Variants in SUSD5 observed in about 807,000 individuals in gnomAD.
SUSD5 encodes sushi domain-containing protein 5.
Under a neutral mutation model 29.5 loss-of-function variants are expected in SUSD5, and 33 were observed. That is an observed-to-expected ratio of 1.12 (90% CI 0.85 to 1.49). The LOEUF is 1.49. Among genes scored for constraint, SUSD5 ranks in the 40% most tolerant of loss-of-function variants. SUSD5 has a pLI of 0.00. For missense variants in SUSD5, 776 were observed against 800.6 expected, an observed-to-expected ratio of 0.97 and a Z score of 0.37; for synonymous variants, 308 against 325.3, an observed-to-expected ratio of 0.95 and a Z score of 0.57.
intron 3 of SUSD5, 40 bp from the exon 4 acceptor site, chr3:33,175,114 C>G: frequency 6.2e-7 from 1 of 1,603,052 alleles, no homozygotes; most frequent in Non-Finnish European, 8.5e-7. Flanking sequence ...CCAAACTGTG[C>G]GGAACTTTTT....
chr3:33,189,179 T>C (rs926656104), intron 3 of SUSD5, among the ~76,000 whole-genome samples: 4 of 152,178 alleles, frequency 2.6e-5, no homozygotes, highest in Admixed American at 6.5e-5. Context: ...TAAAAACTTA[T>C]TTAAAAAATA....
At chr3:33,180,570 T>C (rs1177027563) in intron 3 of SUSD5, among the ~76,000 whole-genome samples, 2 of 152,244 alleles carry the variant, frequency 1.3e-5, no homozygotes, top group South Asian at 2.1e-4. Flanking sequence ...CTCATGCCTG[T>C]AATCCCAACA....
intron 3 of SUSD5, among the ~76,000 whole-genome samples, chr3:33,182,799 T>C (rs1191588705): frequency 6.6e-6 from 1 of 152,178 alleles, no homozygotes; most frequent in African/African-American, 2.4e-5. Flanking sequence ...TTCCTTTTTG[T>C]TTTTTGAGAC....
intron 3 of SUSD5, among the ~76,000 whole-genome samples, chr3:33,185,875 CAT>C (rs2031766746): frequency 1.3e-5 from 2 of 152,120 alleles, no homozygotes; most frequent in Non-Finnish European, 2.9e-5. Flanking sequence ...CTCAAATGCA[CAT>C]TTTTGTACCT....
rs752631515 is a variant in SUSD5 at position 33,213,924 on chromosome 3, T to G, written c.290+4A>C. 6.3e-6 allele frequency: 10 copies of G among 1,587,946 alleles called. No homozygotes were observed. The South Asian group carries it at 8.0e-5, about 13-fold the overall frequency. ...GTTGGAAAAGGAGTGCTCGCCTAAC[T>G]TACCCAAGAGTACCATCTGCTAGCC... is the stretch of plus-strand genomic sequence containing the variant. On this transcript the variant is annotated splice_donor_region_variant and intron_variant, in intron 2 of 4. Coordinates refer to ENST00000309558, the MANE Select transcript of SUSD5 (RefSeq NM_015551.2).
chr3:33,156,196 A>G (rs2031047161), intron 4 of SUSD5, among the ~76,000 whole-genome samples: 2 of 152,034 alleles, frequency 1.3e-5, no homozygotes, highest in African/African-American at 4.8e-5. Context: ...GCACACCACC[A>G]CACCCAGCTA....
At position 33,153,432 on chromosome 3, in the gene SUSD5, C is replaced by T. The variant is rs778001534; in HGVS notation, c.1200G>A (p.Gly400=). 1.9e-6 allele frequency: 3 copies of T among 1,613,876 alleles called. No homozygotes were observed. Among genetic ancestry groups the T allele is most frequent in the Non-Finnish European group, 2.5e-6 (3 of 1,179,906 alleles). Residue 400 remains glycine, a synonymous_variant, in exon 5 of 5, where the codon GGG becomes GGA. Transcript: ENST00000309558. ...GAGTAACTAGGACGTTTTCATCCAG[C>T]CCTACTGACCCATCCCCTCTGTCCC... ...EDGDRGDGSV[G]LDENVLVTPD...
At chr3:33,190,688 G>A (rs1406461969) in intron 3 of SUSD5, among the ~76,000 whole-genome samples, 1 of 152,142 alleles carries the variant, frequency 6.6e-6, no homozygotes, top group Non-Finnish European at 1.5e-5. Flanking sequence ...TTCAAACTGA[G>A]GGCACTTGGG....
Position 33,204,412 on chromosome 3 carries a change from C to T in SUSD5, c.409+3396G>A, listed in dbSNP as rs1010151134. On this transcript the variant is annotated intron_variant, in intron 3 of 4. Transcript: ENST00000309558. This position sits in a 1 kb window ranked among gnomAD's most constrained non-coding sequence, Gnocchi z 4.5. ...CTCGGCTCACTGCAAGCTCCGCCTC[C>T]CAAGTTAACACCATTCTCCTGCCTC... Among the ~76,000 whole-genome samples, 2 of 151,872 alleles carry T rather than the reference C, an allele frequency of 1.3e-5. No individual in the cohort carries two copies. Among genetic ancestry groups the T allele is most frequent in the Non-Finnish European group, 2.9e-5 (2 of 67,982 alleles).
chr3:33,213,797 C>CAAA lies in SUSD5; in HGVS notation c.290+128_290+130dup, dbSNP rs937449148. The CAAA allele has an allele frequency of 1.4e-5, 15 of 1,040,886 alleles. No homozygotes were observed. In the African/African-American group the frequency reaches 2.5e-4, roughly 17 times the overall value. 64.5% of individuals were successfully genotyped at this position (1,040,886 alleles called of 1,614,324 possible). On this transcript the variant is annotated intron_variant, in intron 2 of 4. Transcript: ENST00000309558. ...TCAAACAAAACAAAACAAAACAAAA[C>CAAA]AAAACATGAACACGCTACTGCCCAC...
intron 4 of SUSD5, among the ~76,000 whole-genome samples, chr3:33,156,133 C>T (rs183190028): frequency 3.3e-5 from 5 of 151,884 alleles, no homozygotes; most frequent in African/African-American, 7.2e-5. Flanking sequence ...CTCCGCCTCC[C>T]GGGTTCAAGC....
chr3:33,186,189 C>T (rs1272037663), intron 3 of SUSD5, among the ~76,000 whole-genome samples: 1 of 151,776 alleles, frequency 6.6e-6, no homozygotes, highest in Non-Finnish European at 1.5e-5. Flanking sequence ...GTAGTCCCAG[C>T]TACTCGGGAG....
intron 4 of SUSD5, among the ~76,000 whole-genome samples, chr3:33,165,268 T>C (rs1159191783): frequency 2.0e-5 from 3 of 151,990 alleles, no homozygotes; most frequent in Admixed American, 1.3e-4. Context: ...TACACAAGAG[T>C]ACATAATGTA....
intron 3 of SUSD5, among the ~76,000 whole-genome samples, chr3:33,192,823 T>C (rs2031919943): frequency 6.6e-6 from 1 of 151,504 alleles, no homozygotes; most frequent in Non-Finnish European, 1.5e-5. Flanking sequence ...TCAAAAAATA[T>C]ATATATATAA....
intron 3 of SUSD5, among the ~76,000 whole-genome samples, chr3:33,177,956 A>G (rs898954296): frequency 2.0e-5 from 3 of 151,336 alleles, no homozygotes; most frequent in Non-Finnish European, 3.0e-5. Flanking sequence ...TTCGCAATCT[A>G]TATTTTCTTT....
intron 4 of SUSD5, among the ~76,000 whole-genome samples, chr3:33,166,277 A>G (rs993724255): frequency 1.3e-5 from 2 of 152,210 alleles, no homozygotes; most frequent in African/African-American, 4.8e-5. Context: ...AAAATTAGTG[A>G]CCTATTAACT....
chr3:33,160,488 G>A (rs538302586), intron 4 of SUSD5, among the ~76,000 whole-genome samples: 104 of 152,202 alleles, frequency 6.8e-4, no homozygotes, highest in African/African-American at 2.4e-3. Flanking sequence ...CCAGGAGATT[G>A]AGGCTGCAGT....
chr3:33,201,251 C>G (rs1184860925), intron 3 of SUSD5, among the ~76,000 whole-genome samples: 1 of 152,188 alleles, frequency 6.6e-6, no homozygotes, highest in Non-Finnish European at 1.5e-5. Context: ...CTGAGTGCAC[C>G]CAGCCCTAGG....
intron 1 of SUSD5, among the ~76,000 whole-genome samples, chr3:33,214,405 A>C (rs529601981): frequency 7.1e-6 from 1 of 140,140 alleles, no homozygotes; most frequent in Non-Finnish European, 1.5e-5. Context: ...GGTGTTTTAC[A>C]AATATCATGT....
Sources: gnomAD v4.1 joint callset for allele counts (sites outside exome capture counted in the v4.1 genomes callset) on GRCh38, gnomAD v4.1.1 for gene constraint, Gnocchi (gnomAD v3.1) non-coding constraint, MANE v1.5 for transcripts, NCBI Gene and HGNC (gene_info 2026-07-23, HGNC 2026-07-21) for gene names.